The following CST7 variants were observed in gnomAD, a reference collection of about 807,000 sequenced individuals.
The protein encoded by CST7 is cystatin-F.
In CST7, 15 loss-of-function variants were observed where a neutral mutation model predicts 13.1. That is an observed-to-expected ratio of 1.14 (90% CI 0.77 to 1.76). The LOEUF is 1.76. Among genes scored for constraint, CST7 ranks in the 40% most tolerant of loss-of-function variants. The pLI, the probability that CST7 is intolerant of heterozygous loss-of-function variation, is 0.00. For missense variants in CST7, 193 were observed against 178.8 expected, an observed-to-expected ratio of 1.08 and a Z score of -0.45; for synonymous variants, 75 against 66.9, an observed-to-expected ratio of 1.12 and a Z score of -0.59.
chr20:24,953,294 C>T (rs2087832202), intron 1 of CST7, among the ~76,000 whole-genome samples: 1 of 152,186 alleles, frequency 6.6e-6, no homozygotes, highest in African/African-American at 2.4e-5. Context: ...CCCGAGGAGG[C>T]TGGGGCCCGG....
intron 3 of CST7, 41 bp from the exon 4 acceptor site, chr20:24,959,594 G>A (rs1425157288): frequency 6.3e-7 from 1 of 1,599,538 alleles, no homozygotes; most frequent in African/African-American, 1.3e-5. Context: ...GCTCCCCGCA[G>A]GGAAAGTCTA....
intron 1 of CST7, among the ~76,000 whole-genome samples, chr20:24,953,166 C>T (rs62215084): frequency 0.096 from 14,594 of 152,288 alleles, 802 homozygotes; most frequent in African/African-American, 0.12. Flanking sequence ...GGCACCCGGA[C>T]AGGACTTTGC....
In CST7 at chr20:24,958,996, C is replaced by T. The variant is rs1277756665; in HGVS notation, c.312C>T (p.His104=). The T allele has an allele frequency of 6.2e-7, 1 of 1,614,040 alleles. No individual in the cohort carries two copies. The highest frequency in any genetic ancestry group is 8.5e-7 in the Non-Finnish European group (1 of 1,179,920). The change falls in exon 3 of 4, where the codon CAC becomes CAT. Residue 104 remains histidine (H), a synonymous_variant. Coordinates refer to ENST00000480798, the MANE Select transcript of CST7 (RefSeq NM_003650.4). ...GAACTACCTGCAAGAAAAACCAGCA[C>T]CTGCGTCTGGATGACTGTGACTTCC... ...IGRTTCKKNQ[H]LRLDDCDFQT...
chr20:24,949,311 C>T lies in CST7; in HGVS notation c.-195C>T, dbSNP rs227652. On this transcript the variant is annotated 5_prime_UTR_variant, in exon 1 of 4. Transcript: ENST00000480798. The stretch of plus-strand genomic sequence containing the variant: ...AAGAAGGCTCAGCACAGGCACAAAC[C>T]ATTGCCCGGCACTGGCCCGTGCTGC... 0.11 allele frequency: 170,296 copies of T among 1,490,118 alleles called. 10,219 individuals are homozygous for T. The highest frequency in any genetic ancestry group is 0.18 in the Middle Eastern group (698 of 3,972). The allele number at this position is 1,490,118 out of a possible 1,614,324, so 92.3% of individuals were successfully genotyped here. A position where few individuals can be genotyped will look rare whatever the true frequency, so the allele number is the denominator to read the frequency against.
At chr20:24,951,333 C>T (rs2087817352) in intron 1 of CST7, among the ~76,000 whole-genome samples, 1 of 152,224 alleles carries the variant, frequency 6.6e-6, no homozygotes, top group Non-Finnish European at 1.5e-5. Context: ...GCACATGGGG[C>T]ATGGGGTGCT....
intron 1 of CST7, among the ~76,000 whole-genome samples, chr20:24,955,806 G>A (rs1218253481): frequency 1.3e-5 from 2 of 152,170 alleles, no homozygotes; most frequent in Admixed American, 6.5e-5. Flanking sequence ...TTAGTGTGAA[G>A]GACAGTCCCA....
At chr20:24,950,060 G>C (rs1353168066) in intron 1 of CST7, among the ~76,000 whole-genome samples, 1 of 152,198 alleles carries the variant, frequency 6.6e-6, no homozygotes, top group African/African-American at 2.4e-5. Flanking sequence ...CAGCACTCAG[G>C]GGGAGGGGGG....
At chr20:24,950,821 C>A (rs929678911) in intron 1 of CST7, among the ~76,000 whole-genome samples, 3 of 152,210 alleles carry the variant, frequency 2.0e-5, no homozygotes, top group South Asian at 2.1e-4. Flanking sequence ...CTGTGCCCTG[C>A]CCCTTCGTGT....
At chr20:24,950,065 G>T (rs764202234) in intron 1 of CST7, among the ~76,000 whole-genome samples, 1 of 152,196 alleles carries the variant, frequency 6.6e-6, no homozygotes, top group Non-Finnish European at 1.5e-5. Flanking sequence ...CTCAGGGGGA[G>T]GGGGGACAGG....
chr20:24,956,470 A>G (rs1208913767), intron 1 of CST7, among the ~76,000 whole-genome samples: 1 of 152,198 alleles, frequency 6.6e-6, no homozygotes, highest in Non-Finnish European at 1.5e-5. Flanking sequence ...ACTAGGGGAC[A>G]TGACTGTGGG....
chr20:24,949,333 C>T lies in CST7; in HGVS notation c.-173C>T. ...AACCATTGCCCGGCACTGGCCCGTGCTGCCTGAGAAGGATTGGCACGGGCA... is the reference window on the plus strand; with the variant it reads ...AACCATTGCCCGGCACTGGCCCGTGTTGCCTGAGAAGGATTGGCACGGGCA... On this transcript the variant is annotated 5_prime_UTR_variant, in exon 1 of 4. Coordinates refer to ENST00000480798, the MANE Select transcript of CST7 (RefSeq NM_003650.4). 2 of 1,529,962 alleles carry T rather than the reference C, an allele frequency of 1.3e-6. No individual in the cohort carries two copies. Among genetic ancestry groups the T allele is most frequent in the Non-Finnish European group, 1.8e-6 (2 of 1,135,578 alleles). The allele number at this position is 1,529,962 out of a possible 1,614,324, so 94.8% of individuals were successfully genotyped here.
At chr20:24,958,490 C>T (rs989542090) in intron 2 of CST7, among the ~76,000 whole-genome samples, 1 of 152,204 alleles carries the variant, frequency 6.6e-6, no homozygotes. Flanking sequence ...AACAAGGCGG[C>T]TGCCATATCC....
rs1383516847 is a variant in CST7, at chr20:24,949,338, T to G, written c.-168T>G. ...TTGCCCGGCACTGGCCCGTGCTGCC[T>G]GAGAAGGATTGGCACGGGCACAGAC... On this transcript the variant is annotated 5_prime_UTR_variant, in exon 1 of 4. Coordinates refer to ENST00000480798, the MANE Select transcript of CST7 (RefSeq NM_003650.4). 1 of 1,536,390 alleles carries G rather than the reference T, an allele frequency of 6.5e-7. No individual in the cohort carries two copies. Among genetic ancestry groups the G allele is most frequent in the African/African-American group, 1.4e-5 (1 of 73,094 alleles).
In CST7 at chr20:24,949,429, C is replaced by T; in HGVS notation, c.-77C>T. The T allele has an allele frequency of 6.2e-7, 1 of 1,611,678 alleles. No individual in the cohort carries two copies. Among genetic ancestry groups the T allele is most frequent in the Non-Finnish European group, 8.5e-7 (1 of 1,178,650 alleles). Reference sequence around the variant, plus strand: ...TCGGCACGGGCACCAACCACTGCCTCCAACTGCCCCATGCTGCCTGAGAAG... The same window carrying T: ...TCGGCACGGGCACCAACCACTGCCTTCAACTGCCCCATGCTGCCTGAGAAG... On this transcript the variant is annotated 5_prime_UTR_variant, in exon 1 of 4. Coordinates refer to ENST00000480798, the MANE Select transcript of CST7 (RefSeq NM_003650.4).
Position 24,959,846 on chromosome 20 carries a change from T to C in CST7, c.*134T>C, listed in dbSNP as rs2087884907. 1 of 818,214 alleles carries C rather than the reference T, an allele frequency of 1.2e-6. No homozygotes were observed. The highest frequency in any genetic ancestry group is 1.9e-5 in the Admixed American group (1 of 53,668). The allele number at this position is 818,214 out of a possible 1,614,324, so 50.7% of individuals were successfully genotyped here. On this transcript the variant is annotated 3_prime_UTR_variant, in exon 4 of 4. Coordinates refer to ENST00000480798, the MANE Select transcript of CST7 (RefSeq NM_003650.4). ...GACGAGTGAGCGGGTGAAGTGCCAC[T>C]GGGTCACCGCAGGGCAGCTGGAATG...
At chr20:24,958,333 T>G (rs6050209) in intron 2 of CST7, among the ~76,000 whole-genome samples, 14,571 of 152,102 alleles carry the variant, frequency 0.096, 799 homozygotes, top group African/African-American at 0.12. Flanking sequence ...GATGCCCTGG[T>G]TCTGAGTCCT....
chr20:24,958,805 G>A (rs1474162377), intron 2 of CST7, 123 bp from the exon 3 acceptor site: 3 of 720,868 alleles, frequency 4.2e-6, no homozygotes, highest in Non-Finnish European at 7.4e-6. Flanking sequence ...GCCCCAAGAT[G>A]CTGGCCCACT....
chr20:24,954,447 C>G (rs1395387988), intron 1 of CST7, among the ~76,000 whole-genome samples: 3 of 152,244 alleles, frequency 2.0e-5, no homozygotes. Flanking sequence ...CGCTCACCAC[C>G]TGCTGGACTG....
At chr20:24,951,991 C>G (rs1446621546) in intron 1 of CST7, among the ~76,000 whole-genome samples, 1 of 152,172 alleles carries the variant, frequency 6.6e-6, no homozygotes, top group African/African-American at 2.4e-5. Context: ...TCAGTCCTTA[C>G]TTCCCAGTAG....
Sources: allele counts gnomAD v4.1 joint callset (sites outside exome capture counted in the v4.1 genomes callset), GRCh38; gene constraint gnomAD v4.1.1; transcripts MANE v1.5; gene names NCBI Gene and HGNC (gene_info 2026-07-23, HGNC 2026-07-21).